Variants in SLC9B1 observed in about 807,000 individuals in gnomAD.
SLC9B1 encodes the protein solute carrier family 9 member B1, also known as sodium/hydrogen exchanger 9B1.
Under a neutral mutation model 51.7 loss-of-function variants are expected in SLC9B1, and 32 were observed. The observed-to-expected ratio is 0.62, with a 90% CI of 0.47 to 0.83. The LOEUF (loss-of-function observed/expected upper bound fraction) is 0.83, where lower values mean the gene tolerates loss of function less well. SLC9B1 is among the 40% of genes least tolerant of loss of function. The pLI, the probability that SLC9B1 is intolerant of heterozygous loss-of-function variation, is 0.00. For missense variants in SLC9B1, 406 were observed against 613.2 expected (o/e 0.66, Z 3.57); for synonymous variants, 145 against 212.7 (o/e 0.68, Z 2.77).
chr4:102,974,518 T>C (rs1424635532), intron 3 of SLC9B1, among the ~76,000 whole-genome samples: 2 of 152,086 alleles, frequency 1.3e-5, no homozygotes, highest in Admixed American at 6.5e-5. Context: ...AAGTGAATAC[T>C]ATAAATGACT....
chr4:103,013,653 T>C (rs1358069261), intron 1 of SLC9B1, among the ~76,000 whole-genome samples: 14 of 152,234 alleles, frequency 9.2e-5, no homozygotes, highest in Non-Finnish European at 2.9e-5. Context: ...AGTTAGTATA[T>C]GCACAAACTC....
intron 6 of SLC9B1, among the ~76,000 whole-genome samples, chr4:102,934,282 G>T (rs191603698): frequency 6.6e-6 from 1 of 152,138 alleles, no homozygotes; most frequent in Non-Finnish European, 1.5e-5. Context: ...CTGAATAATA[G>T]TGACATATAA....
At chr4:102,900,263 A>G (rs1734723829), downstream of SLC9B1, among the ~76,000 whole-genome samples, 1 of 152,212 alleles carries the variant, frequency 6.6e-6, no homozygotes, top group Admixed American at 6.5e-5. Flanking sequence ...CTTGAAGTTA[A>G]TTAAAACTCA....
chr4:102,887,409 A>G (rs1408979029), intron 11 of SLC9B1: 1 of 1,151,934 alleles, frequency 8.7e-7, no homozygotes, highest in Non-Finnish European at 1.3e-6. Flanking sequence ...GTCCACTAAT[A>G]CTGAAGAAGA....
At chr4:103,011,391 G>A (rs114805496) in intron 1 of SLC9B1, among the ~76,000 whole-genome samples, 1 of 152,128 alleles carries the variant, frequency 6.6e-6, no homozygotes, top group African/African-American at 2.4e-5. Context: ...GTTCTCACAT[G>A]TTGGCATCAC....
At position 102,978,505 on chromosome 4, in the gene SLC9B1, G is replaced by A. The variant is rs1739193973; in HGVS notation, c.211+11295C>T. 2.0e-5 allele frequency among the ~76,000 whole-genome samples: 3 copies of A among 152,204 alleles called. No homozygotes were observed. The South Asian group carries it at 6.2e-4, about 32-fold the overall frequency. Reference sequence around the variant, plus strand: ...ACAATCCCATCAACCAGTGGGCGAAGGATATGAACAGACTTCTCAAAAGAA... The same window carrying A: ...ACAATCCCATCAACCAGTGGGCGAAAGATATGAACAGACTTCTCAAAAGAA... On this transcript the variant is annotated intron_variant, in intron 3 of 11. Transcript: ENST00000296422.
At chr4:102,994,659 G>A (rs575191241) in intron 1 of SLC9B1, among the ~76,000 whole-genome samples, 1 of 152,276 alleles carries the variant, frequency 6.6e-6, no homozygotes, top group Non-Finnish European at 1.5e-5. Context: ...AATTTATAAA[G>A]GAAAGAGGTT....
intron 1 of SLC9B1, among the ~76,000 whole-genome samples, chr4:103,004,203 T>A (rs79980152): frequency 6.6e-6 from 1 of 152,068 alleles, no homozygotes; most frequent in Non-Finnish European, 1.5e-5. Context: ...TAAAATGATA[T>A]AGGAACTTAA....
chr4:102,999,274 T>C (rs79666481), intron 1 of SLC9B1, among the ~76,000 whole-genome samples: 4,309 of 152,334 alleles, frequency 0.028, 79 homozygotes, highest in Non-Finnish European at 0.045. Context: ...TAGTGTCCTT[T>C]GTTGCACATA....
chr4:102,986,781 T>G (rs1739648286), intron 3 of SLC9B1, among the ~76,000 whole-genome samples: 1 of 152,214 alleles, frequency 6.6e-6, no homozygotes, highest in Non-Finnish European at 1.5e-5. Flanking sequence ...AAAGGCATTC[T>G]TCATTTGTTA....
intron 7 of SLC9B1, among the ~76,000 whole-genome samples, chr4:102,919,492 C>T (rs867750597): frequency 3.3e-5 from 5 of 152,246 alleles, no homozygotes; most frequent in South Asian, 4.1e-4. Context: ...GCATGATCGA[C>T]GCAGAAGACA....
chr4:102,976,738 T>C (rs1739091815), intron 3 of SLC9B1, among the ~76,000 whole-genome samples: 1 of 152,184 alleles, frequency 6.6e-6, no homozygotes, highest in South Asian at 2.1e-4. Context: ...GAGAGGTAAG[T>C]AAATTTGTCC....
chr4:102,921,854 G>A (rs1735896645), intron 7 of SLC9B1, among the ~76,000 whole-genome samples: 1 of 152,188 alleles, frequency 6.6e-6, no homozygotes, highest in African/African-American at 2.4e-5. Context: ...TCAACAAGAA[G>A]AGCTAACTAT....
chr4:102,947,131 C>T (rs1354458237), intron 4 of SLC9B1, among the ~76,000 whole-genome samples: 2 of 151,986 alleles, frequency 1.3e-5, no homozygotes, highest in Admixed American at 6.6e-5. Context: ...ATGAGTCTTG[C>T]GTTTTTTATG....
intron 10 of SLC9B1, 86 bp from the exon 11 acceptor site, chr4:102,905,736 T>C: frequency 7.5e-7 from 1 of 1,327,000 alleles, no homozygotes; most frequent in East Asian, 2.3e-5. Flanking sequence ...CTAAAACTTT[T>C]GAAAACATTT....
At chr4:102,938,540 G>C (rs1736832550) in intron 6 of SLC9B1, among the ~76,000 whole-genome samples, 1 of 152,116 alleles carries the variant, frequency 6.6e-6, no homozygotes, top group Non-Finnish European at 1.5e-5. Context: ...GCCATCTACA[G>C]AACACTCCAC....
Position 102,951,757 on chromosome 4 carries a change from ATAG to A in SLC9B1, c.212-2333_212-2331del, listed in dbSNP as rs1420702262. On this transcript the variant is annotated intron_variant, in intron 3 of 11. Coordinates refer to ENST00000296422, the MANE Select transcript of SLC9B1 (RefSeq NM_139173.4). ...ATGGAAAAGATCTAAAACACAACTA[ATAG>A]TAGTTTCAGAAACATAATTGAAAGA... 9.2e-5 allele frequency among the ~76,000 whole-genome samples: 14 copies of A among 152,050 alleles called. No homozygotes were observed. The East Asian group carries it at 2.5e-3, about 27-fold the overall frequency.
At chr4:102,960,041 C>T (rs559990072) in intron 3 of SLC9B1, among the ~76,000 whole-genome samples, 1 of 151,592 alleles carries the variant, frequency 6.6e-6, no homozygotes, top group Non-Finnish European at 1.5e-5. Flanking sequence ...ACATCTGTTT[C>T]TTCATCACAG....
chr4:103,009,830 G>A (rs1311430004), intron 1 of SLC9B1, among the ~76,000 whole-genome samples: 1 of 152,164 alleles, frequency 6.6e-6, no homozygotes, highest in Non-Finnish European at 1.5e-5. Context: ...AACAACCACA[G>A]TATACATCTT....
Sources: gnomAD v4.1 joint callset for allele counts (sites outside exome capture counted in the v4.1 genomes callset) on GRCh38, gnomAD v4.1.1 for gene constraint, MANE v1.5 for transcripts, NCBI Gene and HGNC (gene_info 2026-07-23, HGNC 2026-07-21) for gene names.